Variants in RASA1 observed in about 807,000 individuals in gnomAD.
The protein encoded by RASA1 is RAS p21 protein activator 1.
A neutral mutation model predicts 132.2 loss-of-function variants in RASA1; 25 were observed. That is an observed-to-expected ratio of 0.19 (90% CI 0.14 to 0.26). The LOEUF (loss-of-function observed/expected upper bound fraction) is 0.26, where lower values mean the gene tolerates loss of function less well. Among genes scored for constraint, RASA1 ranks in the 10% least tolerant of loss-of-function variants. RASA1 has a pLI of 1.00. For missense variants in RASA1, 964 were observed against 1,299.2 expected (o/e 0.74, Z 3.97); for synonymous variants, 477 against 449.9 (o/e 1.06, Z -0.76).
intron 4 of RASA1, among the ~76,000 whole-genome samples, chr5:87,337,398 C>T (rs955217722): frequency 6.6e-6 from 1 of 151,986 alleles, no homozygotes; most frequent in Non-Finnish European, 1.5e-5. Flanking sequence ...GAATGCTGTA[C>T]CCATTGGATA....
At chr5:87,373,107 T>G (rs1761067292) in intron 13 of RASA1, among the ~76,000 whole-genome samples, 1 of 152,138 alleles carries the variant, frequency 6.6e-6, no homozygotes, top group African/African-American at 2.4e-5. Flanking sequence ...AAAATGACAT[T>G]TGCAGGTTTA....
At chr5:87,285,850 C>T (rs1754535090) in intron 1 of RASA1, among the ~76,000 whole-genome samples, 1 of 151,648 alleles carries the variant, frequency 6.6e-6, no homozygotes, top group African/African-American at 2.4e-5. Flanking sequence ...AACTCCTGAC[C>T]CTAGGTAATC....
At chr5:87,365,739 C>T (rs1381631436) in intron 11 of RASA1, among the ~76,000 whole-genome samples, 2 of 151,916 alleles carry the variant, frequency 1.3e-5, no homozygotes, top group East Asian at 1.9e-4. Flanking sequence ...TTACTAGGAC[C>T]TGAAAGAAAT....
At chr5:87,276,417 A>G (rs1284708145) in intron 1 of RASA1, among the ~76,000 whole-genome samples, 3 of 152,196 alleles carry the variant, frequency 2.0e-5, no homozygotes, top group Admixed American at 2.0e-4. Context: ...CTTATTGATA[A>G]CTATGTATGT....
Position 87,389,154 on chromosome 5 carries a change from GAGAA to G in RASA1, c.2926-235_2926-232del, listed in dbSNP as rs1762281598. The G allele has an allele frequency of 1.2e-4, 51 of 409,842 alleles. 2 individuals carry two copies. The highest frequency in any genetic ancestry group is 1.1e-3 in the South Asian group (49 of 45,288). The allele number at this position is 409,842 out of a possible 1,614,324, so 25.4% of individuals were successfully genotyped here. ...TAGAATCTTTTCACATGAGACTACAGAGAAAGATTTGTATTTGTAACAAAAAATT... is the reference window on the plus strand; with the variant it reads ...TAGAATCTTTTCACATGAGACTACAGAGATTTGTATTTGTAACAAAAAATT... On this transcript the variant is annotated intron_variant, in intron 23 of 24. Coordinates refer to ENST00000274376, the MANE Select transcript of RASA1 (RefSeq NM_002890.3).
chr5:87,348,493 C>T (rs1287158121), intron 7 of RASA1, among the ~76,000 whole-genome samples: 2 of 151,902 alleles, frequency 1.3e-5, no homozygotes. Context: ...TAATTTGCTT[C>T]TATAATTCCT....
intron 1 of RASA1, among the ~76,000 whole-genome samples, chr5:87,280,801 G>A (rs771907937): frequency 1.3e-5 from 2 of 151,714 alleles, no homozygotes; most frequent in African/African-American, 4.8e-5. Flanking sequence ...CTGTCGCCCA[G>A]GCTGGAGTAT....
Position 87,268,563 on chromosome 5 carries a change from A to C in RASA1, c.112A>C (p.Ile38Leu), listed in dbSNP as rs1366425562. Residue 38 changes from isoleucine to leucine, a missense_variant, in exon 1 of 25, where the codon ATA (isoleucine) becomes CTA (leucine). Physicochemically the swap from Ile to Leu is conservative, Grantham distance 5 (BLOSUM62 2). Around this residue, in one of 6 missense-constraint regions of RASA1, gnomAD observed 326 missense variants for 275.8 expected, o/e 1.18. Coordinates refer to ENST00000274376, the MANE Select transcript of RASA1 (RefSeq NM_002890.3). Reference sequence around the variant, plus strand: ...CTATCCCGCAGTGTGTCGGGTGAAGATACCCGCGGCCCTGCCTGTGGCAGC... The same window carrying C: ...CTATCCCGCAGTGTGTCGGGTGAAGCTACCCGCGGCCCTGCCTGTGGCAGC... Reference protein sequence around the residue: ...SAYPAVCRVKIPAALPVAAAP... With the variant: ...SAYPAVCRVKLPAALPVAAAP... The C allele has an allele frequency of 6.2e-7, 1 of 1,606,096 alleles. No homozygotes were observed. The highest frequency in any genetic ancestry group is 1.1e-5 in the South Asian group (1 of 89,662).
chr5:87,376,907 A>C lies in RASA1; in HGVS notation c.2211A>C (p.Val737=), dbSNP rs997060149. 3.1e-6 allele frequency: 5 copies of C among 1,609,480 alleles called. No homozygotes were observed. The African/African-American group carries it at 6.7e-5, about 22-fold the overall frequency. The part of the protein sequence containing the change: ...KELILQKELH[V]VYALSHVCGQ... ...TTATACTGCAAAAGGAACTTCATGT[A>C]GTCTATGCTTTATCACATGTATGTG... Residue 737 remains valine, a synonymous_variant, in exon 17 of 25, where the codon GTA becomes GTC. Transcript: ENST00000274376.
chr5:87,366,185 T>A (rs2112466080), intron 11 of RASA1, among the ~76,000 whole-genome samples: 1 of 152,344 alleles, frequency 6.6e-6, no homozygotes, highest in East Asian at 1.9e-4. Flanking sequence ...GTTTATGGAT[T>A]TAAGGCAGAA....
At chr5:87,273,931 C>T (rs1452652267) in intron 1 of RASA1, among the ~76,000 whole-genome samples, 1 of 152,180 alleles carries the variant, frequency 6.6e-6, no homozygotes, top group Non-Finnish European at 1.5e-5. Context: ...CTCCTAACCT[C>T]AGGTGATCCG....
chr5:87,387,092 C>A (rs978635985), intron 23 of RASA1, among the ~76,000 whole-genome samples, 189 bp downstream of exon 23: 2 of 152,256 alleles, frequency 1.3e-5, no homozygotes, highest in Admixed American at 6.5e-5. Flanking sequence ...TTTATTCTTA[C>A]ACTAAATAGT....
intron 22 of RASA1, 36 bp downstream of exon 22, chr5:87,385,425 GAATGCAA>G (rs748479568): frequency 6.8e-7 from 1 of 1,461,946 alleles, no homozygotes; most frequent in Admixed American, 1.7e-5. Context: ...TGTAATTTAT[GAATGCAA>G]GTTTGACATG....
At chr5:87,298,412 C>T (rs1023762294) in intron 1 of RASA1, among the ~76,000 whole-genome samples, 1 of 58,908 alleles carries the variant, frequency 1.7e-5, no homozygotes, top group Non-Finnish European at 3.5e-5. Flanking sequence ...GACTCTGTCT[C>T]AAAAAAAAAA....
intron 1 of RASA1, among the ~76,000 whole-genome samples, chr5:87,321,054 A>C (rs906798918): frequency 6.6e-6 from 1 of 152,212 alleles, no homozygotes; most frequent in Non-Finnish European, 1.5e-5. Context: ...GAAAGAGCCT[A>C]TTAGGGAGAT....
intron 11 of RASA1, among the ~76,000 whole-genome samples, chr5:87,367,583 T>C (rs2112469466): frequency 6.6e-6 from 1 of 152,340 alleles, no homozygotes; most frequent in East Asian, 1.9e-4. Flanking sequence ...AAGCACTCCA[T>C]TTCCTTGTAT....
intron 1 of RASA1, among the ~76,000 whole-genome samples, chr5:87,278,543 C>T (rs1305883119): frequency 6.6e-6 from 1 of 151,696 alleles, no homozygotes; most frequent in Non-Finnish European, 1.5e-5. Context: ...GAGACTCTGT[C>T]TCAAAAAAAA....
In RASA1 at chr5:87,271,452, CTTTTTTTTTTTT is replaced by C. The variant is rs201918763; in HGVS notation, c.539+2483_539+2494del. 1.8e-3 allele frequency among the ~76,000 whole-genome samples: 69 copies of C among 38,216 alleles called. No homozygotes were observed. The South Asian group carries it at 0.032, about 18-fold the overall frequency. The allele number at this position is 38,216 out of a possible 152,430, so 25.1% of individuals were successfully genotyped here. ...AAAAAAAACTGTTTTTAGTAGACTT[CTTTTTTTTTTTT>C]TTTTTTTTTTTTTTTTTTTTGAGAG... On this transcript the variant is annotated intron_variant, in intron 1 of 24. Coordinates refer to ENST00000274376, the MANE Select transcript of RASA1 (RefSeq NM_002890.3).
intron 4 of RASA1, among the ~76,000 whole-genome samples, 187 bp downstream of exon 4, chr5:87,333,524 G>C (rs1048498255): frequency 5.9e-5 from 9 of 152,162 alleles, no homozygotes; most frequent in Non-Finnish European, 1.2e-4. Context: ...TGTGGTTTTG[G>C]ATCAGGGTGG....
Sources: allele counts gnomAD v4.1 joint callset (sites outside exome capture counted in the v4.1 genomes callset), GRCh38; gene constraint gnomAD v4.1.1; regional missense constraint gnomAD v4.1.1; transcripts MANE v1.5; gene names NCBI Gene and HGNC (gene_info 2026-07-23, HGNC 2026-07-21).